The following ZNF146 variants were observed in gnomAD, a reference collection of about 807,000 sequenced individuals.
ZNF146 encodes the protein zinc finger protein OZF.
ZNF146 carries 9 observed loss-of-function variants against 22.2 expected under a neutral mutation model. The observed-to-expected ratio is 0.41, with a 90% CI of 0.24 to 0.71. ZNF146 has a LOEUF of 0.71. Among genes scored for constraint, ZNF146 ranks in the 30% least tolerant of loss-of-function variants. ZNF146 has a pLI of 0.34. For synonymous variants in ZNF146, 108 were observed against 119.2 expected (o/e 0.91, Z 0.61); for missense variants, 194 against 344.8 (o/e 0.56, Z 3.46).
At position 36,238,712 on chromosome 19, in the gene ZNF146, G is replaced by A. The variant is rs1418217248; in HGVS notation, c.*1393G>A. On this transcript the variant is annotated 3_prime_UTR_variant, in exon 4 of 4. Coordinates refer to ENST00000443387, the MANE Select transcript of ZNF146 (RefSeq NM_007145.3). ...TTATCACGGATGAATGGATGGACTT[G>A]CTCTCTATGTAATATGAAATTAATC... The A allele has an allele frequency of 6.0e-6, 1 of 166,888 alleles. No individual in the cohort carries two copies. Among genetic ancestry groups the A allele is most frequent in the Non-Finnish European group, 1.5e-5 (1 of 67,998 alleles). 10.3% of individuals were successfully genotyped at this position (166,888 alleles called of 1,614,324 possible).
intron 3 of ZNF146, among the ~76,000 whole-genome samples, chr19:36,231,665 C>A (rs1485793575): frequency 1.3e-5 from 2 of 152,086 alleles, no homozygotes; most frequent in Non-Finnish European, 2.9e-5. Flanking sequence ...AAATTTTCAT[C>A]CTATTATTTT....
chr19:36,228,958 C>T (rs1329553858), intron 3 of ZNF146, 139 bp downstream of exon 3: 1 of 152,176 alleles, frequency 6.6e-6, no homozygotes, highest in Non-Finnish European at 1.5e-5. Flanking sequence ...AATGACGCTT[C>T]CAGTCATCAT....
chr19:36,223,610 G>A (rs895717562), intron 2 of ZNF146, among the ~76,000 whole-genome samples: 5 of 151,956 alleles, frequency 3.3e-5, no homozygotes, highest in African/African-American at 4.8e-5. Flanking sequence ...TGATCCGCCC[G>A]CCTCGGCCCT....
At chr19:36,222,439 TA>T (rs1976887192) in intron 2 of ZNF146, among the ~76,000 whole-genome samples, 1 of 152,188 alleles carries the variant, frequency 6.6e-6, no homozygotes, top group African/African-American at 2.4e-5. Flanking sequence ...AGCTCTAAAC[TA>T]GACTGCTATT....
intron 1 of ZNF146, 113 bp downstream of exon 1, chr19:36,215,309 C>G (rs1231484808): frequency 6.6e-6 from 1 of 152,220 alleles, no homozygotes; most frequent in Admixed American, 6.6e-5. Context: ...TTCTGGCCTA[C>G]GTGCGGGGCG....
At chr19:36,235,625 C>G (rs912937612) in intron 3 of ZNF146, 34 bp from the exon 4 acceptor site, 1 of 152,148 alleles carries the variant, frequency 6.6e-6, no homozygotes, top group Non-Finnish European at 1.5e-5. Flanking sequence ...GAATTTAACT[C>G]CTTTGTGCTA....
chr19:36,220,352 C>CT (rs1349453534), intron 2 of ZNF146, among the ~76,000 whole-genome samples: 1 of 114,576 alleles, frequency 8.7e-6, no homozygotes, highest in Admixed American at 9.7e-5. Flanking sequence ...GCTCCTAGTT[C>CT]TTTTTTTTAA....
chr19:36,216,963 G>A (rs1240438745), intron 1 of ZNF146, among the ~76,000 whole-genome samples: 1 of 151,642 alleles, frequency 6.6e-6, no homozygotes, highest in African/African-American at 2.4e-5. Flanking sequence ...GGAGGCTGAG[G>A]TGGGAGGATC....
intron 2 of ZNF146, among the ~76,000 whole-genome samples, chr19:36,224,625 C>T (rs547304657): frequency 2.6e-5 from 4 of 152,268 alleles, no homozygotes; most frequent in African/African-American, 9.6e-5. Context: ...TGTTTCCTGG[C>T]TATTCTTGCC....
Position 36,236,483 on chromosome 19 carries a change from C to T in ZNF146, c.43C>T (p.Pro15Ser), listed in dbSNP as rs746103126. The change falls in exon 4 of 4, where the codon CCC becomes TCC. Residue 15 changes from proline to serine, a missense_variant. By Grantham distance (74) the Pro-to-Ser change is moderately conservative. Transcript: ENST00000443387. The stretch of plus-strand genomic sequence containing the variant: ...GCAGAGAATTTACAGTGGGGAAAAC[C>T]CCTTTGCCTGTAAGGTATGTGGAAA... ...SQQRIYSGEN[P>S]FACKVCGKVF... The T allele has an allele frequency of 5.6e-6, 9 of 1,613,150 alleles. No individual in the cohort carries two copies. Among genetic ancestry groups the T allele is most frequent in the Non-Finnish European group, 7.6e-6 (9 of 1,179,610 alleles).
Position 36,236,976 on chromosome 19 carries a change from C to A in ZNF146, c.536C>A (p.Thr179Asn). ...KYLIKHQNIH[T>N]GEKPYECNEC... ...CTCATAAAACATCAGAACATTCACACTGGAGAGAAACCCTATGAATGTAAC... is the reference window on the plus strand; with the variant it reads ...CTCATAAAACATCAGAACATTCACAATGGAGAGAAACCCTATGAATGTAAC... The change falls in exon 4 of 4, where the codon ACT (threonine) becomes AAT (asparagine). Residue 179 changes from threonine (T) to asparagine (N), a missense_variant. Physicochemically the swap from Thr to Asn is moderately conservative, Grantham distance 65 (BLOSUM62 0). This residue lies in a region of ZNF146 where 147 missense variants were observed against 300.1 expected (regional missense o/e 0.49). Transcript: ENST00000443387. The A allele has an allele frequency of 6.2e-7, 1 of 1,614,208 alleles. No individual in the cohort carries two copies. Among genetic ancestry groups the A allele is most frequent in the Non-Finnish European group, 8.5e-7 (1 of 1,180,030 alleles).
At chr19:36,222,305 C>T (rs934362688) in intron 2 of ZNF146, among the ~76,000 whole-genome samples, 4 of 152,144 alleles carry the variant, frequency 2.6e-5, no homozygotes, top group Non-Finnish European at 5.9e-5. Flanking sequence ...TATTTGGATG[C>T]ACCATGGTTG....
intron 1 of ZNF146, among the ~76,000 whole-genome samples, chr19:36,217,155 C>G (rs184909490): frequency 6.7e-6 from 1 of 149,456 alleles, no homozygotes; most frequent in Non-Finnish European, 1.5e-5. Context: ...CTCTGCCCCC[C>G]AGGTTCAAGC....
At chr19:36,222,778 C>CTT (rs55668684) in intron 2 of ZNF146, among the ~76,000 whole-genome samples, 12 of 100,882 alleles carry the variant, frequency 1.2e-4, no homozygotes, top group Admixed American at 4.2e-4. Flanking sequence ...TGAGTGGTGG[C>CTT]TTTTTTTTTT....
upstream of ZNF146, chr19:36,214,947 CAG>C (rs1483022496): frequency 6.5e-6 from 1 of 152,736 alleles, no homozygotes; most frequent in Non-Finnish European, 1.5e-5. Flanking sequence ...GGGGAGGAGA[CAG>C]AGAGTCGACC....
In ZNF146 at chr19:36,235,990, G is replaced by GT. The variant is rs772470565; in HGVS notation, c.-450dup. 1.2e-5 allele frequency: 2 copies of GT among 161,252 alleles called. No individual in the cohort carries two copies. Among genetic ancestry groups the GT allele is most frequent in the Non-Finnish European group, 2.7e-5 (2 of 73,868 alleles). The allele number at this position is 161,252 out of a possible 1,614,324, so 10.0% of individuals were successfully genotyped here. On this transcript the variant is annotated 5_prime_UTR_variant, in exon 4 of 4. An upstream open reading frame in the 5' UTR loses its in-frame stop. Transcript: ENST00000443387. ...TAAATGTCTTTGGTTTAAAACGTTT[G>GT]TACCTCATCTGTTACCAGAGTGTTC...
At position 36,237,041 on chromosome 19, in the gene ZNF146, G is replaced by A. The variant is rs762193911; in HGVS notation, c.601G>A (p.Val201Ile). Residue 201 changes from valine (V) to isoleucine (I), a missense_variant, in exon 4 of 4, where the codon GTA becomes ATA. Val to Ile is a conservative substitution (Grantham distance 29, BLOSUM62 3). Around this residue, in one of 2 missense-constraint regions of ZNF146, gnomAD observed 147 missense variants for 300.1 expected, o/e 0.49. Coordinates refer to ENST00000443387, the MANE Select transcript of ZNF146 (RefSeq NM_007145.3). ...KAFSQRTSLIVHVRIHSGDKP... is the reference protein window; with the variant it reads ...KAFSQRTSLIIHVRIHSGDKP... ...CTTCTCTCAGCGAACATCACTTATT[G>A]TACATGTGAGGATTCATTCAGGTGA... 6.2e-7 allele frequency: 1 copy of A among 1,614,136 alleles called. No individual in the cohort carries two copies. The highest frequency in any genetic ancestry group is 8.5e-7 in the Non-Finnish European group (1 of 1,180,024).
chr19:36,231,812 C>T (rs1467524675), intron 3 of ZNF146, among the ~76,000 whole-genome samples: 3 of 151,910 alleles, frequency 2.0e-5, no homozygotes, highest in Admixed American at 1.3e-4. Flanking sequence ...GGGCCAGGCA[C>T]GGTGGCTCAC....
intron 3 of ZNF146, among the ~76,000 whole-genome samples, chr19:36,232,937 ATAGT>A (rs1394005025): frequency 2.6e-5 from 4 of 152,236 alleles, no homozygotes; most frequent in African/African-American, 9.6e-5. Context: ...TGCTGAAGGA[ATAGT>A]TAAAGAATCT....
Sources: allele counts gnomAD v4.1 joint callset (sites outside exome capture counted in the v4.1 genomes callset), GRCh38; gene constraint gnomAD v4.1.1; regional missense constraint gnomAD v4.1.1; transcripts MANE v1.5; gene names NCBI Gene and HGNC (gene_info 2026-07-23, HGNC 2026-07-21).